The following CYB5A variants were observed in gnomAD, a reference collection of about 807,000 sequenced individuals.
The protein encoded by CYB5A is cytochrome b5.
Under a neutral mutation model 16.2 loss-of-function variants are expected in CYB5A, and 10 were observed. The observed-to-expected ratio is 0.62, with a 90% CI of 0.38 to 1.04. The LOEUF is 1.04. CYB5A is among the 50% of genes least tolerant of loss of function. CYB5A has a pLI of 0.01. For missense variants in CYB5A, 161 were observed against 165.9 expected, an observed-to-expected ratio of 0.97 and a Z score of 0.16; for synonymous variants, 62 against 57.0, an observed-to-expected ratio of 1.09 and a Z score of -0.40.
intron 1 of CYB5A, among the ~76,000 whole-genome samples, chr18:74,272,024 AGT>A (rs1982689105): frequency 6.6e-6 from 1 of 152,204 alleles, no homozygotes; most frequent in South Asian, 2.1e-4. Flanking sequence ...ATAAATCATA[AGT>A]GTTAGAAATA....
intron 3 of CYB5A, chr18:74,256,208 A>C: frequency 5.7e-6 from 1 of 176,454 alleles, no homozygotes; most frequent in Non-Finnish European, 1.2e-5. Flanking sequence ...TGACAGATGT[A>C]AAAAAGTGTA....
intron 1 of CYB5A, 45 bp from the exon 2 acceptor site, chr18:74,263,522 T>C (rs780986812): frequency 6.3e-7 from 1 of 1,586,004 alleles, no homozygotes; most frequent in Non-Finnish European, 8.7e-7. Flanking sequence ...TTCAGGCAAA[T>C]GAATTAAGAG....
chr18:74,265,428 C>T (rs557356484), intron 1 of CYB5A, among the ~76,000 whole-genome samples: 2 of 152,292 alleles, frequency 1.3e-5, no homozygotes, highest in East Asian at 3.9e-4. Context: ...GCAGAGGTGC[C>T]TAGTGGTTAC....
chr18:74,272,077 C>T (rs747022704), intron 1 of CYB5A, among the ~76,000 whole-genome samples: 5 of 152,204 alleles, frequency 3.3e-5, no homozygotes, highest in Non-Finnish European at 7.3e-5. Flanking sequence ...AGCCTCCTTG[C>T]TTTGTGCTAA....
intron 1 of CYB5A, among the ~76,000 whole-genome samples, chr18:74,278,332 A>T (rs1282307723): frequency 2.6e-5 from 4 of 152,190 alleles, no homozygotes; most frequent in African/African-American, 4.8e-5. Context: ...TCTGGCAGCT[A>T]CCCATCTGCA....
intron 1 of CYB5A, among the ~76,000 whole-genome samples, chr18:74,284,697 T>C (rs919109595): frequency 7.2e-5 from 11 of 152,178 alleles, no homozygotes; most frequent in Non-Finnish European, 1.6e-4. Context: ...GACCCTTAAC[T>C]GAGCCTAGAG....
chr18:74,279,568 A>AC (rs1568223011), intron 1 of CYB5A, among the ~76,000 whole-genome samples: 1 of 142,660 alleles, frequency 7.0e-6, no homozygotes, highest in Non-Finnish European at 1.6e-5. Flanking sequence ...AATAAAAAAC[A>AC]AAAGAGATAA....
chr18:74,289,776 CAAAAAAA>C (rs531814328), intron 1 of CYB5A, among the ~76,000 whole-genome samples: 9 of 91,212 alleles, frequency 9.9e-5, no homozygotes, highest in Middle Eastern at 7.2e-3. Context: ...AACTCTGTCT[CAAAAAAA>C]AAAAAAAAAA....
intron 4 of CYB5A, among the ~76,000 whole-genome samples, chr18:74,253,910 G>A (rs1192304574): frequency 6.6e-6 from 1 of 152,200 alleles, no homozygotes. Context: ...TGGGCTCAGT[G>A]GCTCACGCCT....
At chr18:74,269,558 G>A (rs551113113) in intron 1 of CYB5A, among the ~76,000 whole-genome samples, 99 of 152,236 alleles carry the variant, frequency 6.5e-4, no homozygotes, top group African/African-American at 2.2e-3. Context: ...ACACTCCAGC[G>A]TAACAGGACC....
chr18:74,277,564 C>G (rs936266930), intron 1 of CYB5A, among the ~76,000 whole-genome samples: 2 of 152,194 alleles, frequency 1.3e-5, no homozygotes, highest in Non-Finnish European at 2.9e-5. Flanking sequence ...AAGTTAGAGT[C>G]TAGTAAGGAA....
chr18:74,260,831 G>T, intron 3 of CYB5A, 84 bp downstream of exon 3: 2 of 1,147,270 alleles, frequency 1.7e-6, no homozygotes, highest in Non-Finnish European at 1.3e-6. Flanking sequence ...CATCAGTCAG[G>T]TAAATAAAAA....
chr18:74,282,358 AG>A (rs1983145377), intron 1 of CYB5A, among the ~76,000 whole-genome samples: 1 of 151,542 alleles, frequency 6.6e-6, no homozygotes, highest in South Asian at 2.1e-4. Context: ...GCACCGGACA[AG>A]GGCCACAGAG....
rs142326900 is a variant in CYB5A, at chr18:74,280,458, G to A, written c.129+11289C>T. Among the ~76,000 whole-genome samples, 365 of 151,424 alleles carry A rather than the reference G, an allele frequency of 2.4e-3. 2 individuals are homozygous for A. The highest frequency in any genetic ancestry group is 8.3e-3 in the African/African-American group (343 of 41,258). On this transcript the variant is annotated intron_variant, in intron 1 of 4. Transcript: ENST00000340533. The stretch of plus-strand genomic sequence containing the variant: ...CCAGGCATGGTGGTGCACACCTGTA[G>A]TCCTCGCTACTTGGGAGGCTGAGGT...
intron 1 of CYB5A, among the ~76,000 whole-genome samples, chr18:74,269,489 A>G (rs979460148): frequency 1.6e-5 from 2 of 125,164 alleles, no homozygotes; most frequent in African/African-American, 5.4e-5. Context: ...GCAGTGGAAG[A>G]GCCCCAGGTC....
chr18:74,281,743 C>CTGTGTGTGTGTGTGTGTG (rs112934460), intron 1 of CYB5A, among the ~76,000 whole-genome samples: 1,996 of 138,782 alleles, frequency 0.014, 53 homozygotes, highest in African/African-American at 0.048. Flanking sequence ...TCAAGGGAGG[C>CTGTGTGTGTGTGTGTGTG]TGTGTGTGTG....
At chr18:74,281,999 G>C (rs1422857981) in intron 1 of CYB5A, among the ~76,000 whole-genome samples, 2 of 152,064 alleles carry the variant, frequency 1.3e-5, no homozygotes, top group East Asian at 1.9e-4. Flanking sequence ...GTGGAGGCCC[G>C]GGCTCTGGGC....
chr18:74,290,865 T>G (rs1046852223), intron 1 of CYB5A: 2 of 151,996 alleles, frequency 1.3e-5, no homozygotes, highest in African/African-American at 4.8e-5. Context: ...TGTCTTCAAG[T>G]TAACCAACGT....
At chr18:74,279,369 A>C (rs1983001852) in intron 1 of CYB5A, among the ~76,000 whole-genome samples, 2 of 152,196 alleles carry the variant, frequency 1.3e-5, no homozygotes, top group South Asian at 4.1e-4. Flanking sequence ...CTCTACTAAA[A>C]AATACAAAAA....
Sources: allele counts gnomAD v4.1 joint callset (sites outside exome capture counted in the v4.1 genomes callset), GRCh38; gene constraint gnomAD v4.1.1; transcripts MANE v1.5; gene names NCBI Gene and HGNC (gene_info 2026-07-23, HGNC 2026-07-21).